UBL3: variants seen among roughly 807,000 people sequenced by gnomAD.
UBL3 encodes the protein ubiquitin-like protein 3.
A neutral mutation model predicts 18.4 loss-of-function variants in UBL3; 6 were observed. The ratio of observed to expected loss-of-function variants is 0.33; its 90% CI spans 0.18 to 0.64. The LOEUF (loss-of-function observed/expected upper bound fraction) is 0.64. Ranked by LOEUF, UBL3 falls within the 30% of genes least tolerant of loss-of-function variation. The pLI is 0.76. For missense variants in UBL3, 109 were observed against 142.9 expected (o/e 0.76, Z 1.21); for synonymous variants, 49 against 46.6 (o/e 1.05, Z -0.21).
chr13:29,804,661 C>T (rs1051434092), intron 1 of UBL3, among the ~76,000 whole-genome samples: 1 of 152,088 alleles, frequency 6.6e-6, no homozygotes, highest in Non-Finnish European at 1.5e-5. Context: ...TGGGAGACTA[C>T]TATTAATACT....
chr13:29,810,749 T>C (rs1295499104), intron 1 of UBL3, among the ~76,000 whole-genome samples: 1 of 152,152 alleles, frequency 6.6e-6, no homozygotes, highest in African/African-American at 2.4e-5. Context: ...TTGCCTTATT[T>C]GAACTGATGT....
chr13:29,803,806 A>G (rs1877833796), intron 1 of UBL3, among the ~76,000 whole-genome samples: 1 of 152,062 alleles, frequency 6.6e-6, no homozygotes, highest in Admixed American at 6.5e-5. Context: ...TTAAAGACCT[A>G]CAAAGAGACT....
intron 1 of UBL3, among the ~76,000 whole-genome samples, chr13:29,841,552 TACAAA>T (rs1295857847): frequency 1.3e-5 from 2 of 152,166 alleles, no homozygotes. Context: ...CATAGTTTAT[TACAAA>T]GATATATGAA....
At chr13:29,839,384 T>A (rs370848079) in intron 1 of UBL3, among the ~76,000 whole-genome samples, 3 of 152,222 alleles carry the variant, frequency 2.0e-5, no homozygotes, top group Non-Finnish European at 4.4e-5. Context: ...AAATATGCTT[T>A]ATTGAATGAT....
chr13:29,805,039 G>A (rs1877866226), intron 1 of UBL3, among the ~76,000 whole-genome samples: 1 of 152,112 alleles, frequency 6.6e-6, no homozygotes, highest in African/African-American at 2.4e-5. Flanking sequence ...TAACTTGAAA[G>A]AGCCAGATTA....
At chr13:29,799,675 T>C (rs769267339) in intron 1 of UBL3, among the ~76,000 whole-genome samples, 34 of 151,986 alleles carry the variant, frequency 2.2e-4, no homozygotes, top group Non-Finnish European at 4.0e-4. Context: ...AAAAAAAGAG[T>C]CAAATCCTGT....
At chr13:29,817,065 T>C (rs1297988996) in intron 1 of UBL3, among the ~76,000 whole-genome samples, 1 of 152,224 alleles carries the variant, frequency 6.6e-6, no homozygotes, top group South Asian at 2.1e-4. Context: ...TCATTATTCC[T>C]GGACATTTTG....
intron 1 of UBL3, among the ~76,000 whole-genome samples, chr13:29,836,111 T>C (rs1057473550): frequency 2.0e-5 from 3 of 152,110 alleles, no homozygotes; most frequent in African/African-American, 7.2e-5. Flanking sequence ...TGAACTAGGT[T>C]GGTAGCATGA....
chr13:29,777,079 G>A (rs1877017827), intron 2 of UBL3, 76 bp downstream of exon 2: 1 of 1,158,174 alleles, frequency 8.6e-7, no homozygotes, highest in African/African-American at 1.8e-5. Context: ...TTATATAACA[G>A]TTTCAAAATG....
intron 1 of UBL3, among the ~76,000 whole-genome samples, chr13:29,804,759 A>G (rs994939150): frequency 2.0e-5 from 3 of 152,216 alleles, no homozygotes; most frequent in African/African-American, 7.2e-5. Flanking sequence ...AAGAAACTGA[A>G]TAACAGAACA....
At chr13:29,828,528 A>G (rs1181052570) in intron 1 of UBL3, among the ~76,000 whole-genome samples, 1 of 152,230 alleles carries the variant, frequency 6.6e-6, no homozygotes, top group South Asian at 2.1e-4. Flanking sequence ...CAGCTCCATC[A>G]GGTCATTTAA....
chr13:29,829,979 T>C (rs1324484038), intron 1 of UBL3, among the ~76,000 whole-genome samples: 1 of 152,270 alleles, frequency 6.6e-6, no homozygotes, highest in African/African-American at 2.4e-5. Context: ...AAAGTGGATA[T>C]ACCATTGCTC....
intron 3 of UBL3, among the ~76,000 whole-genome samples, chr13:29,769,674 T>C (rs954980723): frequency 1.3e-5 from 2 of 152,120 alleles, no homozygotes; most frequent in African/African-American, 4.8e-5. Context: ...AAGCTTTAGC[T>C]GATCATCTTC....
intron 1 of UBL3, among the ~76,000 whole-genome samples, chr13:29,780,532 C>G (rs977282990): frequency 2.0e-5 from 3 of 150,472 alleles, no homozygotes; most frequent in Middle Eastern, 3.5e-3. Flanking sequence ...AAAAAATCAA[C>G]AAAAACTAAA....
chr13:29,807,009 A>T (rs1012725647), intron 1 of UBL3, among the ~76,000 whole-genome samples: 3 of 152,212 alleles, frequency 2.0e-5, no homozygotes, highest in African/African-American at 7.2e-5. Context: ...TCTAATATGT[A>T]GTGTACTTCA....
intron 1 of UBL3, among the ~76,000 whole-genome samples, chr13:29,786,584 C>T (rs772614058): frequency 2.0e-5 from 3 of 152,132 alleles, no homozygotes; most frequent in East Asian, 1.9e-4. Flanking sequence ...ATCATATTTG[C>T]GAAGAAGTAA....
At chr13:29,808,775 A>G (rs893946905) in intron 1 of UBL3, among the ~76,000 whole-genome samples, 2 of 152,110 alleles carry the variant, frequency 1.3e-5, no homozygotes, top group South Asian at 4.1e-4. Flanking sequence ...TGTATTTTCT[A>G]AGCTCTGTAA....
chr13:29,795,676 T>C (rs1029417354), intron 1 of UBL3, among the ~76,000 whole-genome samples: 2 of 145,428 alleles, frequency 1.4e-5, no homozygotes, highest in Non-Finnish European at 3.0e-5. Flanking sequence ...TCGCAGCTAC[T>C]AGGGAGGCTG....
Position 29,850,182 on chromosome 13 carries a change from T to C in UBL3, c.-644A>G, listed in dbSNP as rs1879336397. On this transcript the variant is annotated 5_prime_UTR_variant, in exon 1 of 5. Transcript: ENST00000380680. The stretch of plus-strand genomic sequence containing the variant: ...CCCGCGCTCAAGGGCATTTAACTAG[T>C]TGGAAGCCAAAGCGAAAGACCGGAG... 2 of 152,562 alleles carry C rather than the reference T, an allele frequency of 1.3e-5. No homozygotes were observed. The highest frequency in any genetic ancestry group is 6.5e-5 in the Admixed American group (1 of 15,286). The allele number at this position is 152,562 out of a possible 1,614,324, so 9.5% of individuals were successfully genotyped here. A position where few individuals can be genotyped will look rare whatever the true frequency, so the allele number is the denominator to read the frequency against.
Sources: gnomAD v4.1 joint callset for allele counts (sites outside exome capture counted in the v4.1 genomes callset) on GRCh38, gnomAD v4.1.1 for gene constraint, MANE v1.5 for transcripts, NCBI Gene and HGNC (gene_info 2026-07-23, HGNC 2026-07-21) for gene names.